GLI3: variants seen among roughly 807,000 people sequenced by gnomAD.
The protein encoded by GLI3 is transcription activator GLI3.
A neutral mutation model predicts 100.8 loss-of-function variants in GLI3; 20 were observed. The ratio of observed to expected loss-of-function variants is 0.20; its 90% CI spans 0.14 to 0.29. The LOEUF (loss-of-function observed/expected upper bound fraction) is 0.29. Ranked by LOEUF, GLI3 falls within the 10% of genes least tolerant of loss-of-function variation. The pLI is 1.00. For missense variants in GLI3, 2,040 were observed against 2,128.5 expected, an observed-to-expected ratio of 0.96 and a Z score of 0.82; for synonymous variants, 938 against 860.5, an observed-to-expected ratio of 1.09 and a Z score of -1.58.
rs2128705691 is a variant in GLI3, at chr7:41,965,707, C to A, written c.3366G>T (p.Val1122=). 1 of 1,613,734 alleles carries A rather than the reference C, an allele frequency of 6.2e-7. No individual in the cohort carries two copies. Among genetic ancestry groups the A allele is most frequent in the Non-Finnish European group, 8.5e-7 (1 of 1,179,924 alleles). The stretch of plus-strand genomic sequence containing the variant: ...CGTCAAAGTCACCGGGCCCGTGGGG[C>A]ACTTTGCTGTCGTCCGGGAGGGCGC... ...FPSALPDDSK[V]PHGPGDFDAP... is the part of the protein sequence containing the mutation. The change falls in exon 15 of 15, where the codon GTG becomes GTT. Residue 1122 remains valine, a synonymous_variant. Coordinates refer to ENST00000395925, the MANE Select transcript of GLI3 (RefSeq NM_000168.6).
intron 2 of GLI3, among the ~76,000 whole-genome samples, chr7:42,154,836 A>C (rs1365716280): frequency 6.6e-6 from 1 of 152,216 alleles, no homozygotes; most frequent in Non-Finnish European, 1.5e-5. Flanking sequence ...GTGAGCAAAC[A>C]ATGCCCACTC....
intron 3 of GLI3, among the ~76,000 whole-genome samples, chr7:42,102,322 C>T (rs191991711): frequency 6.6e-5 from 10 of 152,290 alleles, no homozygotes; most frequent in South Asian, 2.1e-4. Flanking sequence ...TGATAGCAGA[C>T]GGCCTCTGCT....
chr7:41,964,227 T>C lies in GLI3; in HGVS notation c.*103A>G, dbSNP rs1787092404. ...ACATCTCAGTTAGGTGAGATGAGAT[T>C]GCTAAAATACATACAGAACTAAAAA... On this transcript the variant is annotated 3_prime_UTR_variant, in exon 15 of 15. Coordinates refer to ENST00000395925, the MANE Select transcript of GLI3 (RefSeq NM_000168.6). 1 of 934,334 alleles carries C rather than the reference T, an allele frequency of 1.1e-6. No homozygotes were observed. Among genetic ancestry groups the C allele is most frequent in the Admixed American group, 2.1e-5 (1 of 48,358 alleles). The allele number at this position is 934,334 out of a possible 1,614,324, so 57.9% of individuals were successfully genotyped here. A position where few individuals can be genotyped will look rare whatever the true frequency, so the allele number is the denominator to read the frequency against.
chr7:42,092,989 T>C (rs1048494180), intron 3 of GLI3, among the ~76,000 whole-genome samples: 10 of 151,756 alleles, frequency 6.6e-5, no homozygotes, highest in African/African-American at 2.4e-4. Flanking sequence ...AATTTTTGCA[T>C]TTTTACCAGA....
chr7:41,964,474 A>G lies in GLI3; in HGVS notation c.4599T>C (p.His1533=), dbSNP rs775026941. 2.5e-6 allele frequency: 4 copies of G among 1,614,134 alleles called. No homozygotes were observed. Among genetic ancestry groups the G allele is most frequent in the Non-Finnish European group, 2.5e-6 (3 of 1,179,990 alleles). Residue 1533 remains histidine (H), a synonymous_variant, in exon 15 of 15, where the codon CAT becomes CAC. Transcript: ENST00000395925. ...LSPSIIQNLS[H]SSSRLTTPRA... ...GAGGCGTGGTGAGGCGGGAGGAGCT[A>G]TGGGAAAGGTTCTGAATGATACTTG...
chr7:42,113,731 T>C (rs1785775364), intron 3 of GLI3: 4 of 617,064 alleles, frequency 6.5e-6, no homozygotes, highest in African/African-American at 1.8e-5. Context: ...CTTTAAGCTA[T>C]GTTGTTAGCA....
chr7:42,136,243 T>C (rs1786425333), intron 3 of GLI3, among the ~76,000 whole-genome samples: 3 of 152,154 alleles, frequency 2.0e-5, no homozygotes, highest in African/African-American at 7.2e-5. Flanking sequence ...ACGAAGCAGA[T>C]GTGGGGGCAA....
At chr7:42,236,654 G>C (rs1562796819) in intron 1 of GLI3, among the ~76,000 whole-genome samples, 1 of 152,180 alleles carries the variant, frequency 6.6e-6, no homozygotes, top group Admixed American at 6.5e-5. Flanking sequence ...GAACCCTTTG[G>C]ATGGGGGCGG....
intron 3 of GLI3, among the ~76,000 whole-genome samples, chr7:42,128,199 C>T (rs1786184027): frequency 6.6e-6 from 1 of 152,064 alleles, no homozygotes; most frequent in Non-Finnish European, 1.5e-5. Flanking sequence ...AGGGAGCACT[C>T]AATTTAAGAC....
intron 2 of GLI3, among the ~76,000 whole-genome samples, chr7:42,190,076 A>C (rs1319057637): frequency 1.3e-5 from 2 of 151,822 alleles, no homozygotes; most frequent in Non-Finnish European, 2.9e-5. Flanking sequence ...ACATTTGCAA[A>C]TAATATTACC....
chr7:42,148,590 A>G, intron 2 of GLI3, 122 bp from the exon 3 acceptor site: 2 of 974,962 alleles, frequency 2.1e-6, no homozygotes, highest in Non-Finnish European at 1.6e-6. Context: ...TTTCTCATTC[A>G]CAGCAACTTT....
intron 9 of GLI3, 36 bp from the exon 10 acceptor site, chr7:42,023,644 G>A (rs371372892): frequency 1.3e-6 from 2 of 1,594,630 alleles, no homozygotes; most frequent in South Asian, 1.1e-5. Context: ...GAACAGAGAA[G>A]GGGGAAGAAT....
intron 1 of GLI3, among the ~76,000 whole-genome samples, chr7:42,257,426 G>A (rs1310540213): frequency 6.7e-6 from 1 of 148,666 alleles, no homozygotes; most frequent in Non-Finnish European, 1.5e-5. Context: ...CTCACTGCAA[G>A]CTCCGCCTCC....
chr7:42,079,475 C>A (rs1022886171), intron 3 of GLI3, among the ~76,000 whole-genome samples: 1 of 152,178 alleles, frequency 6.6e-6, no homozygotes, highest in African/African-American at 2.4e-5. Flanking sequence ...GGGGGTGGCT[C>A]TTCTTTCTCT....
rs3030324 is a variant in GLI3 at position 42,009,480 on chromosome 7, CTTTTT to C, written c.1497+13983_1497+13987del. ...TTTCTATCTCCCCCAGCAAATTGTTCTTTTTTTTTTTTTTTTTTTTGTAATTGATC... is the reference window on the plus strand; with the variant it reads ...TTTCTATCTCCCCCAGCAAATTGTTCTTTTTTTTTTTTTTTGTAATTGATC... On this transcript the variant is annotated intron_variant, in intron 10 of 14. Transcript: ENST00000395925. Among the ~76,000 whole-genome samples, 619 of 118,374 alleles carry C rather than the reference CTTTTT, an allele frequency of 5.2e-3. 3 individuals are homozygous for C. The highest frequency in any genetic ancestry group is 0.018 in the African/African-American group (569 of 31,366). The allele number at this position is 118,374 out of a possible 152,430, so 77.7% of individuals were successfully genotyped here.
Position 41,965,421 on chromosome 7 carries a change from C to T in GLI3, c.3652G>A (p.Glu1218Lys), listed in dbSNP as rs771150664. 2.5e-6 allele frequency: 4 copies of T among 1,607,964 alleles called. No individual in the cohort carries two copies. The highest frequency in any genetic ancestry group is 1.3e-5 in the African/African-American group (1 of 74,854). Residue 1218 changes from glutamate to lysine, a missense_variant, in exon 15 of 15, where the codon GAG (glutamate) becomes AAG (lysine). This residue lies in a region of GLI3 where 1,041 missense variants were observed against 924.0 expected (regional missense o/e 1.13). Transcript: ENST00000395925. The stretch of plus-strand genomic sequence containing the variant: ...GGGCCACCGTAGGGGTTGCTGTTCT[C>T]CCCGAGGGTCTGATAGCCCCCAGCA... ...GPAGGYQTLG[E>K]NSNPYGGPEH...
intron 2 of GLI3, among the ~76,000 whole-genome samples, chr7:42,202,327 C>CTA (rs1554339106): frequency 3.3e-5 from 1 of 30,396 alleles, no homozygotes; most frequent in Admixed American, 6.0e-4. Context: ...CTGTCTCTCT[C>CTA]TCTCTCTCTC....
At chr7:42,188,682 C>G (rs1787767188) in intron 2 of GLI3, among the ~76,000 whole-genome samples, 1 of 152,124 alleles carries the variant, frequency 6.6e-6, no homozygotes, top group Non-Finnish European at 1.5e-5. Flanking sequence ...AATGAGCTAT[C>G]AAGTCATGAA....
chr7:42,090,528 G>A (rs906684877), intron 3 of GLI3, among the ~76,000 whole-genome samples: 3 of 152,170 alleles, frequency 2.0e-5, no homozygotes, highest in African/African-American at 7.2e-5. Flanking sequence ...AAGTTACCAT[G>A]AGAGTCAACA....
Sources: gnomAD v4.1 joint callset for allele counts (sites outside exome capture counted in the v4.1 genomes callset) on GRCh38, gnomAD v4.1.1 for gene constraint, gnomAD v4.1.1 regional missense constraint, MANE v1.5 for transcripts, NCBI Gene and HGNC (gene_info 2026-07-23, HGNC 2026-07-21) for gene names.